Variants in HTD2 observed in about 807,000 individuals in gnomAD.
HTD2 encodes the protein hydroxyacyl-thioester dehydratase type 2, mitochondrial.
HTD2 carries 1 observed loss-of-function variant against 3.1 expected under a neutral mutation model. The ratio of observed to expected loss-of-function variants is 0.32; its 90% confidence interval spans 0.11 to 1.52. The LOEUF is 1.52. HTD2 is among the 40% of genes most tolerant of loss of function. The pLI is 0.39. For missense variants in HTD2, 150 were observed against 79.6 expected, an observed-to-expected ratio of 1.88 and a Z score of -3.36; for synonymous variants, 50 against 28.9, an observed-to-expected ratio of 1.73 and a Z score of -2.34.
rs2097492893 is a variant in HTD2, at chr3:58,320,040, G to T, written c.*1920G>T. 1 of 152,064 alleles carries T rather than the reference G, an allele frequency of 6.6e-6. No individual in the cohort carries two copies. The highest frequency in any genetic ancestry group is 2.1e-4 in the South Asian group (1 of 4,820). 9.4% of individuals were successfully genotyped at this position (152,064 alleles called of 1,614,324 possible). A position where few individuals can be genotyped will look rare whatever the true frequency, so the allele number is the denominator to read the frequency against. ...ACTTTCTGTCTCTATGGGTTTCCCTGTTCTGGACATTTCATAAAAGTTCAT... is the reference window on the plus strand; with the variant it reads ...ACTTTCTGTCTCTATGGGTTTCCCTTTTCTGGACATTTCATAAAAGTTCAT... On this transcript the variant is annotated 3_prime_UTR_variant, in exon 5 of 5. Coordinates refer to ENST00000461393, the MANE Select transcript of HTD2 (RefSeq NM_001348712.2).
intron 2 of HTD2, among the ~76,000 whole-genome samples, chr3:58,313,370 T>C (rs1044347281): frequency 6.6e-6 from 1 of 152,258 alleles, no homozygotes; most frequent in African/African-American, 2.4e-5. Context: ...ACCAGCATTT[T>C]AAGCAACTTT....
chr3:58,318,793 A>C lies in HTD2; in HGVS notation c.*673A>C, dbSNP rs978043694. 1.3e-5 allele frequency: 2 copies of C among 152,126 alleles called. No homozygotes were observed. Among genetic ancestry groups the C allele is most frequent in the Non-Finnish European group, 2.9e-5 (2 of 68,054 alleles). 9.4% of individuals were successfully genotyped at this position (152,126 alleles called of 1,614,324 possible). The stretch of plus-strand genomic sequence containing the variant: ...GGCAGGCGAATCACTTGAGGTCAGG[A>C]GTTCAAGACCAGCCTGGCCAACATG... On this transcript the variant is annotated 3_prime_UTR_variant, in exon 5 of 5. Coordinates refer to ENST00000461393, the MANE Select transcript of HTD2 (RefSeq NM_001348712.2).
At position 58,306,527 on chromosome 3, in the gene HTD2, C is replaced by G. The variant is rs2292678; in HGVS notation, c.-540C>G. The G allele has an allele frequency of 2.6e-5, 4 of 152,294 alleles. No individual in the cohort carries two copies. Among genetic ancestry groups the G allele is most frequent in the East Asian group, 3.9e-4 (2 of 5,168 alleles). The allele number at this position is 152,294 out of a possible 1,614,324, so 9.4% of individuals were successfully genotyped here. On this transcript the variant is annotated 5_prime_UTR_variant, in exon 1 of 5. Transcript: ENST00000461393. ...GTGCGCCTTGGGTAGCTTGTCCTCT[C>G]CGACCCCGGGCGCTGAGGGCCTCTG...
At chr3:58,315,470 T>C (rs993450150) in intron 2 of HTD2, among the ~76,000 whole-genome samples, 2 of 152,174 alleles carry the variant, frequency 1.3e-5, no homozygotes, top group African/African-American at 4.8e-5. Flanking sequence ...GTGGTAGTTA[T>C]ATGAAGCTAC....
At chr3:58,307,841 A>G (rs934345492) in intron 1 of HTD2, 2 of 151,580 alleles carry the variant, frequency 1.3e-5, no homozygotes, top group African/African-American at 2.4e-5. Context: ...CAGCCTGCAG[A>G]GGGCAGTGCT....
chr3:58,317,016 T>A, intron 4 of HTD2, 23 bp downstream of exon 4: 2 of 1,571,390 alleles, frequency 1.3e-6, no homozygotes, highest in East Asian at 2.2e-5. Flanking sequence ...CCCTCACATA[T>A]TCCAAACAAG....
Position 58,317,825 on chromosome 3 carries a change from A to T in HTD2, c.212A>T (p.Asp71Val). The T allele has an allele frequency of 1.4e-6, 1 of 703,056 alleles. No individual in the cohort carries two copies. The highest frequency in any genetic ancestry group is 2.6e-6 in the Non-Finnish European group (1 of 385,008). 43.6% of individuals were successfully genotyped at this position (703,056 alleles called of 1,614,324 possible). A position where few individuals can be genotyped will look rare whatever the true frequency, so the allele number is the denominator to read the frequency against. ...GTCAATCCTTTGCATTTGAATGAAG[A>T]CTTTGCAAAACACACCAAGTTTGGA... is the stretch of plus-strand genomic sequence containing the variant. ...GDVNPLHLNE[D>V]FAKHTKFGNT... The change falls in exon 5 of 5, where the codon GAC becomes GTC. Residue 71 changes from aspartate (D) to valine (V), a missense_variant. Physicochemically the swap from Asp to Val is radical, Grantham distance 152. Coordinates refer to ENST00000461393, the MANE Select transcript of HTD2 (RefSeq NM_001348712.2).
At position 58,313,288 on chromosome 3, in the gene HTD2, G is replaced by C. The variant is rs371245090; in HGVS notation, c.-331+2697G>C. 2.8e-4 allele frequency among the ~76,000 whole-genome samples: 42 copies of C among 152,182 alleles called. No individual in the cohort carries two copies. In the South Asian group the frequency reaches 3.7e-3, roughly 14 times the overall value. On this transcript the variant is annotated intron_variant, in intron 2 of 4. Coordinates refer to ENST00000461393, the MANE Select transcript of HTD2 (RefSeq NM_001348712.2). ...AAAAGGCTCCTCATGAAAAAAAGAT[G>C]AACTGAACTAAACATGGTGATTAAT...
At chr3:58,312,241 T>G (rs1254329992) in intron 2 of HTD2, among the ~76,000 whole-genome samples, 2 of 151,962 alleles carry the variant, frequency 1.3e-5, no homozygotes, top group Admixed American at 1.3e-4. Flanking sequence ...AGGGTTCCCC[T>G]AGAGATTATT....
In HTD2 at chr3:58,318,001, G is replaced by T; in HGVS notation, c.388G>T (p.Val130Leu). Residue 130 changes from valine to leucine, a missense_variant, in exon 5 of 5, where the codon GTG becomes TTG. Physicochemically the swap from Val to Leu is conservative, Grantham distance 32 (BLOSUM62 1). Coordinates refer to ENST00000461393, the MANE Select transcript of HTD2 (RefSeq NM_001348712.2). ...IGEVVLASAE[V>L]KKLKRFIAII... ...AGAAGTTGTTTTAGCTTCTGCAGAA[G>T]TGAAAAAGCTGAAGCGGTTCATTGC... The T allele has an allele frequency of 1.4e-6, 1 of 702,876 alleles. No homozygotes were observed. Among genetic ancestry groups the T allele is most frequent in the Non-Finnish European group, 2.6e-6 (1 of 384,966 alleles). 43.5% of individuals were successfully genotyped at this position (702,876 alleles called of 1,614,324 possible).
chr3:58,307,449 C>T (rs180826481), intron 1 of HTD2, among the ~76,000 whole-genome samples: 58 of 152,334 alleles, frequency 3.8e-4, no homozygotes, highest in African/African-American at 1.3e-3. Flanking sequence ...CTAGGCCGGG[C>T]GCGGTGGCTC....
At chr3:58,317,089 A>G (rs1406393339) in intron 4 of HTD2, 96 bp downstream of exon 4, 15 of 878,278 alleles carry the variant, frequency 1.7e-5, no homozygotes, top group Non-Finnish European at 2.8e-5. Context: ...GCATAAATGT[A>G]ATATGGTTAA....
At chr3:58,309,402 A>C (rs1273041410) in intron 1 of HTD2, among the ~76,000 whole-genome samples, 1 of 152,242 alleles carries the variant, frequency 6.6e-6, no homozygotes, top group African/African-American at 2.4e-5. Context: ...TTTTGAAGAC[A>C]AGCTAAGGCA....
rs1021542447 is a variant in HTD2, at chr3:58,319,821, AAAATT to A, written c.*1702_*1706del. ...TTTTTTTTGTTTCCCGTTTTTTAAT[AAAATT>A]GAGATATAATTCACATACCATAAAA... On this transcript the variant is annotated 3_prime_UTR_variant, in exon 5 of 5. Transcript: ENST00000461393. The A allele has an allele frequency of 3.9e-5, 6 of 152,266 alleles. No individual in the cohort carries two copies. The highest frequency in any genetic ancestry group is 1.4e-4 in the African/African-American group (6 of 41,542). The allele number at this position is 152,266 out of a possible 1,614,324, so 9.4% of individuals were successfully genotyped here. A position where few individuals can be genotyped will look rare whatever the true frequency, so the allele number is the denominator to read the frequency against.
At chr3:58,306,915 G>A (rs2097475777) in intron 1 of HTD2, among the ~76,000 whole-genome samples, 1 of 152,208 alleles carries the variant, frequency 6.6e-6, no homozygotes. Flanking sequence ...AAAGGCAAAT[G>A]CTACGAAGAA....
Position 58,310,610 on chromosome 3 carries a change from G to A in HTD2, c.-331+19G>A. The A allele has an allele frequency of 6.3e-7, 1 of 1,588,192 alleles. No homozygotes were observed. The highest frequency in any genetic ancestry group is 1.1e-5 in the South Asian group (1 of 88,184). The stretch of plus-strand genomic sequence containing the variant: ...TGGGGAGGTATGGAATCACTTGGTA[G>A]ATTGAACATTCCAAAGATCTTTGTA... On this transcript the variant is annotated intron_variant, in intron 2 of 4. Coordinates refer to ENST00000461393, the MANE Select transcript of HTD2 (RefSeq NM_001348712.2).
At position 58,313,938 on chromosome 3, in the gene HTD2, A is replaced by T. The variant is rs549109398; in HGVS notation, c.-330-2577A>T. 6.6e-5 allele frequency among the ~76,000 whole-genome samples: 10 copies of T among 152,332 alleles called. No homozygotes were observed. In the South Asian group the frequency reaches 2.1e-3, roughly 32 times the overall value. ...GCAGTGGCTCATGCCCGTAATCCCA[A>T]CACTTTGGGAAGCCAGGGCAGGAAG... is the stretch of plus-strand genomic sequence containing the variant. On this transcript the variant is annotated intron_variant, in intron 2 of 4. Transcript: ENST00000461393.
Position 58,317,926 on chromosome 3 carries a change from T to C in HTD2, c.313T>C (p.Cys105Arg), listed in dbSNP as rs1366961642. The C allele has an allele frequency of 1.4e-6, 1 of 702,758 alleles. No individual in the cohort carries two copies. The highest frequency in any genetic ancestry group is 1.7e-5 in the African/African-American group (1 of 57,238). The allele number at this position is 702,758 out of a possible 1,614,324, so 43.5% of individuals were successfully genotyped here. Residue 105 changes from cysteine to arginine, a missense_variant, in exon 5 of 5, where the codon TGT becomes CGT. Coordinates refer to ENST00000461393, the MANE Select transcript of HTD2 (RefSeq NM_001348712.2). ...AGGAACTAAAATGCCAGGGCCAGGC[T>C]GTGTATTTCTTTCCCAGGAAATTAG... ...LLGTKMPGPG[C>R]VFLSQEISFP...
chr3:58,317,119 A>G (rs1383064806), intron 4 of HTD2, 126 bp downstream of exon 4: 2 of 692,658 alleles, frequency 2.9e-6, no homozygotes, highest in Non-Finnish European at 4.9e-6. Context: ...AGTAGGGGAA[A>G]ATAAAGGACT....
Sources: gnomAD v4.1 joint callset for allele counts (sites outside exome capture counted in the v4.1 genomes callset) on GRCh38, gnomAD v4.1.1 for gene constraint, MANE v1.5 for transcripts, NCBI Gene and HGNC (gene_info 2026-07-23, HGNC 2026-07-21) for gene names.